THAP4: variants seen among roughly 807,000 people sequenced by gnomAD.
The protein encoded by THAP4 is peroxynitrite isomerase THAP4.
A neutral mutation model predicts 48.1 loss-of-function variants in THAP4; 18 were observed. That is an observed-to-expected ratio of 0.37 (90% CI 0.26 to 0.56). The LOEUF is 0.56. THAP4 is among the 20% of genes least tolerant of loss of function. The pLI is 0.78. For missense variants in THAP4, 656 were observed against 774.9 expected, an observed-to-expected ratio of 0.85 and a Z score of 1.82; for synonymous variants, 345 against 324.9, an observed-to-expected ratio of 1.06 and a Z score of -0.66.
At chr2:241,604,665 C>A (rs2067157252) in intron 3 of THAP4, among the ~76,000 whole-genome samples, 1 of 152,136 alleles carries the variant, frequency 6.6e-6, no homozygotes, top group Non-Finnish European at 1.5e-5. Context: ...CTGCCTTGAC[C>A]TCCCAAAGTG....
At chr2:241,587,787 T>C (rs2066910663) in intron 5 of THAP4, among the ~76,000 whole-genome samples, 1 of 151,952 alleles carries the variant, frequency 6.6e-6, no homozygotes, top group Non-Finnish European at 1.5e-5. Context: ...TGGTGGCACA[T>C]GCCTTTAATC....
At chr2:241,607,270 C>G (rs948429320) in intron 2 of THAP4, among the ~76,000 whole-genome samples, 3 of 152,096 alleles carry the variant, frequency 2.0e-5, no homozygotes, top group African/African-American at 7.2e-5. Flanking sequence ...GCTGGGCGAA[C>G]TCAAAGGGAC....
At chr2:241,637,570 C>T, upstream of THAP4, 1 of 1,503,728 alleles carries the variant, frequency 6.7e-7, no homozygotes, top group Admixed American at 2.3e-5. Context: ...AATGGCGGCT[C>T]CCGCGTATTT....
intron 5 of THAP4, among the ~76,000 whole-genome samples, chr2:241,598,531 T>G (rs938646565): frequency 2.0e-5 from 3 of 152,116 alleles, no homozygotes; most frequent in Non-Finnish European, 2.9e-5. Flanking sequence ...TTTCCACAGC[T>G]GTGGGGGTGG....
chr2:241,605,633 C>T (rs2067173138), intron 3 of THAP4, among the ~76,000 whole-genome samples: 1 of 152,164 alleles, frequency 6.6e-6, no homozygotes, highest in Non-Finnish European at 1.5e-5. Context: ...ATACTAACAG[C>T]TTCCTTGTGA....
At chr2:241,623,797 A>T (rs2067463577) in intron 2 of THAP4, among the ~76,000 whole-genome samples, 1 of 152,156 alleles carries the variant, frequency 6.6e-6, no homozygotes, top group African/African-American at 2.4e-5. Flanking sequence ...ACAAGAAGAA[A>T]TAGATAATCT....
intron 4 of THAP4, chr2:241,602,253 C>T (rs1158995073): frequency 1.9e-6 from 1 of 538,674 alleles, no homozygotes; most frequent in Non-Finnish European, 3.3e-6. Flanking sequence ...CCACCTCCAC[C>T]CACCAATCAG....
chr2:241,614,495 CCT>C (rs1204074964), intron 2 of THAP4, among the ~76,000 whole-genome samples: 2 of 152,180 alleles, frequency 1.3e-5, no homozygotes, highest in Non-Finnish European at 2.9e-5. Flanking sequence ...TTGCAATTCA[CCT>C]CTAAGTCTGA....
intron 1 of THAP4, among the ~76,000 whole-genome samples, chr2:241,636,243 C>T (rs1307083971): frequency 6.6e-6 from 1 of 152,212 alleles, no homozygotes; most frequent in Non-Finnish European, 1.5e-5. Context: ...TAAATAACAC[C>T]ATGCAACATA....
intron 5 of THAP4, among the ~76,000 whole-genome samples, chr2:241,594,007 G>A (rs762597627): frequency 1.3e-5 from 2 of 152,116 alleles, no homozygotes; most frequent in Admixed American, 6.6e-5. Context: ...TAACAGCCAA[G>A]ATTCAGTAAC....
At chr2:241,589,218 A>AG (rs2066926835) in intron 5 of THAP4, among the ~76,000 whole-genome samples, 1 of 151,590 alleles carries the variant, frequency 6.6e-6, no homozygotes. Context: ...GTCTCAAAAA[A>AG]AAAAAAGAAA....
At chr2:241,634,839 C>A (rs1246626567) in intron 1 of THAP4, among the ~76,000 whole-genome samples, 14 of 152,166 alleles carry the variant, frequency 9.2e-5, no homozygotes, top group Non-Finnish European at 1.8e-4. Context: ...CAAAAAAAAT[C>A]AACCAACTCA....
intron 5 of THAP4, among the ~76,000 whole-genome samples, chr2:241,593,960 C>G (rs1438248258): frequency 6.6e-6 from 1 of 152,178 alleles, no homozygotes; most frequent in East Asian, 1.9e-4. Flanking sequence ...GTTGGGATTA[C>G]ACGTGTGAGC....
At chr2:241,594,099 G>A (rs979543305) in intron 5 of THAP4, among the ~76,000 whole-genome samples, 1 of 152,186 alleles carries the variant, frequency 6.6e-6, no homozygotes. Flanking sequence ...GAAAAGGAGT[G>A]AGGCCTGAGG....
In THAP4 at chr2:241,633,657, G is replaced by A; in HGVS notation, c.500C>T (p.Ala167Val). 6.2e-7 allele frequency: 1 copy of A among 1,612,198 alleles called. No individual in the cohort carries two copies. The highest frequency in any genetic ancestry group is 8.5e-7 in the Non-Finnish European group (1 of 1,179,912). Residue 167 changes from alanine (A) to valine (V), a missense_variant, in exon 2 of 6, where the codon GCC becomes GTC. Ala to Val is a moderately conservative substitution (Grantham distance 64). Around this residue, in one of 4 missense-constraint regions of THAP4, gnomAD observed 391 missense variants for 412.4 expected, o/e 0.95. Coordinates refer to ENST00000407315, the MANE Select transcript of THAP4 (RefSeq NM_015963.6). This position sits in a 1 kb window ranked among gnomAD's most constrained non-coding sequence, Gnocchi z 7.5. ...TGGAGTCCGTTCCAGAGCTTGCTGG[G>A]CCTGCTCCTGGCTGGCGGCCTCCTG... ...AAQEAASQEQ[A>V]QQALERTPGD...
At chr2:241,615,142 A>C (rs2067323235) in intron 2 of THAP4, among the ~76,000 whole-genome samples, 1 of 152,148 alleles carries the variant, frequency 6.6e-6, no homozygotes, top group African/African-American at 2.4e-5. Flanking sequence ...TTCCAATTAG[A>C]TGAAATTCGA....
chr2:241,633,557 C>G lies in THAP4; in HGVS notation c.600G>C (p.Glu200Asp). Reference sequence around the variant, plus strand: ...CCCCTTCGATGGAGGAAGTGGCGCTCTCATCGCCAGCATCTGTGGCAGACG... The same window carrying G: ...CCCCTTCGATGGAGGAAGTGGCGCTGTCATCGCCAGCATCTGTGGCAGACG... ...AEASATDAGD[E>D]SATSSIEGGV... is the part of the protein sequence containing the mutation. Residue 200 changes from glutamate to aspartate, a missense_variant, in exon 2 of 6, where the codon GAG (glutamate) becomes GAC (aspartate). Physicochemically the swap from Glu to Asp is conservative, Grantham distance 45. Around this residue, in one of 4 missense-constraint regions of THAP4, gnomAD observed 391 missense variants for 412.4 expected, o/e 0.95. Transcript: ENST00000407315. The surrounding 1 kb of genome is among the most constrained non-coding windows in gnomAD (Gnocchi z 7.5). 1 of 1,613,862 alleles carries G rather than the reference C, an allele frequency of 6.2e-7. No individual in the cohort carries two copies. Among genetic ancestry groups the G allele is most frequent in the Non-Finnish European group, 8.5e-7 (1 of 1,179,904 alleles).
upstream of THAP4, chr2:241,637,283 A>AGGCGGGCAGACG (rs2067689797): frequency 9.0e-7 from 1 of 1,111,782 alleles, no homozygotes; most frequent in African/African-American, 1.7e-5. Flanking sequence ...GTCCGTCGGC[A>AGGCGGGCAGACG]GGCGGGCAGA....
At position 241,617,409 on chromosome 2, in the gene THAP4, T is replaced by C. The variant is rs1442416999; in HGVS notation, c.1241-10936A>G. ...TGGCCCAAGACACTGAAAGCAGGCTTACCCATCCCTAAGTTTTCTAAACTC... is the reference window on the plus strand; with the variant it reads ...TGGCCCAAGACACTGAAAGCAGGCTCACCCATCCCTAAGTTTTCTAAACTC... On this transcript the variant is annotated intron_variant, in intron 2 of 5. Transcript: ENST00000407315. The C allele has an allele frequency of 3.2e-6, 5 of 1,547,594 alleles. No homozygotes were observed. In the South Asian group the frequency reaches 4.8e-5, roughly 15 times the overall value.
Sources: gnomAD v4.1 joint callset for allele counts (sites outside exome capture counted in the v4.1 genomes callset) on GRCh38, gnomAD v4.1.1 for gene constraint, gnomAD v4.1.1 regional missense constraint, Gnocchi (gnomAD v3.1) non-coding constraint, MANE v1.5 for transcripts, NCBI Gene and HGNC (gene_info 2026-07-23, HGNC 2026-07-21) for gene names.